Variants in CHIC1 observed in about 807,000 individuals in gnomAD.
The protein encoded by CHIC1 is cysteine-rich hydrophobic domain-containing protein 1.
In CHIC1, 7 loss-of-function variants were observed where a neutral mutation model predicts 18.5. That is an observed-to-expected ratio of 0.38 (90% CI 0.22 to 0.71). The LOEUF is 0.71. Ranked by LOEUF, CHIC1 falls within the 30% of genes least tolerant of loss-of-function variation. CHIC1 has a pLI of 0.49. For synonymous variants in CHIC1, 77 were observed against 73.5 expected, an observed-to-expected ratio of 1.05 and a Z score of -0.25; for missense variants, 159 against 176.9, an observed-to-expected ratio of 0.90 and a Z score of 0.57.
chrX:73,673,634 TGAG>T (rs1159909102), intron 3 of CHIC1, among the ~76,000 whole-genome samples: 4 of 112,149 alleles, frequency 3.6e-5, no homozygotes, highest in African/African-American at 6.5e-5. Context: ...CTTATCAGCT[TGAG>T]GAGATTTTGG....
chrX:73,654,378 T>C (rs1396981907), intron 3 of CHIC1, among the ~76,000 whole-genome samples: 1 of 112,199 alleles, frequency 8.9e-6, no homozygotes, highest in Non-Finnish European at 1.9e-5. Context: ...ATTCCTGGGA[T>C]AAATCCCACT....
intron 1 of CHIC1, among the ~76,000 whole-genome samples, chrX:73,566,665 C>G (rs190536381): frequency 1.8e-5 from 2 of 112,028 alleles, no homozygotes; most frequent in East Asian, 5.6e-4. Flanking sequence ...TATCTGTTTT[C>G]TCTTTACCCC....
intron 3 of CHIC1, among the ~76,000 whole-genome samples, chrX:73,603,815 G>A (rs1342941020): frequency 1.8e-5 from 2 of 108,877 alleles, no homozygotes; most frequent in Non-Finnish European, 3.8e-5. Flanking sequence ...ATTGATTTGT[G>A]TATGTTGAAC....
chrX:73,586,480 A>G (rs906111248), intron 3 of CHIC1, among the ~76,000 whole-genome samples: 3 of 111,656 alleles, frequency 2.7e-5, no homozygotes, highest in Non-Finnish European at 5.7e-5. Flanking sequence ...CAACTCAAAG[A>G]TTTTTGTCTA....
chrX:73,598,361 A>G (rs2057622273), intron 3 of CHIC1, among the ~76,000 whole-genome samples: 1 of 106,277 alleles, frequency 9.4e-6, no homozygotes, highest in Non-Finnish European at 1.9e-5. Flanking sequence ...TTTAAGTTTT[A>G]GGGTACATGT....
intron 3 of CHIC1, among the ~76,000 whole-genome samples, chrX:73,608,345 CA>C (rs1275335106): frequency 9.2e-6 from 1 of 108,239 alleles, no homozygotes; most frequent in East Asian, 2.8e-4. Flanking sequence ...AGTCTTCCAA[CA>C]TTTTTTTTCT....
chrX:73,658,542 T>C (rs756581613), intron 3 of CHIC1, among the ~76,000 whole-genome samples: 2 of 109,263 alleles, frequency 1.8e-5, no homozygotes, highest in South Asian at 8.0e-4. Context: ...TTTTTCTTTA[T>C]TAGTCTAGGT....
At chrX:73,579,526 C>T (rs1461237612) in intron 2 of CHIC1, among the ~76,000 whole-genome samples, 2 of 110,618 alleles carry the variant, frequency 1.8e-5, no homozygotes, top group Non-Finnish European at 3.8e-5. Flanking sequence ...TCTGGCCTCA[C>T]CACTAATTTG....
chrX:73,631,131 TCTC>T lies in CHIC1; in HGVS notation c.507+46562_507+46564del, dbSNP rs1415843601. ...TTTATGATTTTATTTATTTGAGTGTTCTCCTTTTTTCTTGGTTAAGCTAGCAAA... is the reference window on the plus strand; with the variant it reads ...TTTATGATTTTATTTATTTGAGTGTTCTTTTTTCTTGGTTAAGCTAGCAAA... On this transcript the variant is annotated intron_variant, in intron 3 of 5. Transcript: ENST00000373502. 4.5e-5 allele frequency among the ~76,000 whole-genome samples: 5 copies of T among 111,880 alleles called. No homozygotes were observed. The Admixed American group carries it at 4.8e-4, about 11-fold the overall frequency.
chrX:73,633,073 G>A (rs1345942685), intron 3 of CHIC1, among the ~76,000 whole-genome samples: 1 of 111,060 alleles, frequency 9.0e-6, no homozygotes, highest in African/African-American at 3.3e-5. Context: ...GGCCGGTATT[G>A]TTATTTTTAA....
intron 3 of CHIC1, among the ~76,000 whole-genome samples, chrX:73,644,238 T>C (rs1425750500): frequency 8.9e-6 from 1 of 111,928 alleles, no homozygotes; most frequent in African/African-American, 3.3e-5. Context: ...TGATCGTTCC[T>C]CTGGAAGTTT....
At chrX:73,594,035 T>A (rs2057594547) in intron 3 of CHIC1, among the ~76,000 whole-genome samples, 1 of 111,398 alleles carries the variant, frequency 9.0e-6, no homozygotes, top group African/African-American at 3.3e-5. Flanking sequence ...GGTTCTTGTG[T>A]TTCTCATTTT....
chrX:73,651,143 T>C (rs754454920), intron 3 of CHIC1, among the ~76,000 whole-genome samples: 30 of 112,032 alleles, frequency 2.7e-4, no homozygotes, highest in African/African-American at 9.1e-4. Flanking sequence ...TCACATTCCT[T>C]CATGTTAAAA....
rs777361756 is a variant in CHIC1, at chrX:73,682,855, G to GA, written c.*1855dup. On this transcript the variant is annotated 3_prime_UTR_variant, in exon 6 of 6. Transcript: ENST00000373502. ...TGTCTTGTTTTGTAGCTAAGGTCGG[G>GA]AAAAATTGTATCTGAGGTTTATGTT... is the stretch of plus-strand genomic sequence containing the variant. 21 of 111,332 alleles carry GA rather than the reference G, an allele frequency of 1.9e-4. No individual in the cohort carries two copies. In the East Asian group the frequency reaches 5.1e-3, roughly 27 times the overall value. 9.2% of individuals were successfully genotyped at this position (111,332 alleles called of 1,213,427 possible).
intron 3 of CHIC1, among the ~76,000 whole-genome samples, chrX:73,666,464 T>A (rs145175176): frequency 8.9e-6 from 1 of 111,840 alleles, no homozygotes; most frequent in Non-Finnish European, 1.9e-5. Context: ...CAGTCTCTCC[T>A]TTTCACATTT....
intron 3 of CHIC1, among the ~76,000 whole-genome samples, chrX:73,657,441 G>T (rs1033937480): frequency 9.0e-6 from 1 of 111,708 alleles, no homozygotes; most frequent in Non-Finnish European, 1.9e-5. Flanking sequence ...TTGGTGTATA[G>T]GAATGCCAGT....
At chrX:73,595,897 G>T (rs1318145989) in intron 3 of CHIC1, among the ~76,000 whole-genome samples, 3 of 111,302 alleles carry the variant, frequency 2.7e-5, no homozygotes, top group Non-Finnish European at 5.7e-5. Flanking sequence ...TCTCATTGTG[G>T]TTTTGATTTG....
chrX:73,682,161 C>A lies in CHIC1; in HGVS notation c.*1156C>A, dbSNP rs745424131. ...GCTGATTCATAATTGAAAAAAAATT[C>A]TCAATTCTGTTTTTGATGATCCTTT... On this transcript the variant is annotated 3_prime_UTR_variant, in exon 6 of 6. Transcript: ENST00000373502. 8 of 111,299 alleles carry A rather than the reference C, an allele frequency of 7.2e-5. No individual in the cohort carries two copies. The highest frequency in any genetic ancestry group is 1.1e-4 in the Non-Finnish European group (6 of 52,760). 9.2% of individuals were successfully genotyped at this position (111,299 alleles called of 1,213,427 possible). A position where few individuals can be genotyped will look rare whatever the true frequency, so the allele number is the denominator to read the frequency against.
intron 3 of CHIC1, among the ~76,000 whole-genome samples, chrX:73,673,904 C>T (rs763571784): frequency 1.8e-5 from 2 of 111,487 alleles, no homozygotes; most frequent in East Asian, 5.6e-4. Flanking sequence ...ATAGCTCTTA[C>T]TGTTTTGAGA....
Sources: allele counts gnomAD v4.1 joint callset (sites outside exome capture counted in the v4.1 genomes callset), GRCh38; gene constraint gnomAD v4.1.1; transcripts MANE v1.5; gene names NCBI Gene and HGNC (gene_info 2026-07-23, HGNC 2026-07-21).